Variants in PNRC1 observed in about 807,000 individuals in gnomAD.
The protein encoded by PNRC1 is proline-rich nuclear receptor coactivator 1.
Under a neutral mutation model 20.2 loss-of-function variants are expected in PNRC1, and 6 were observed. The ratio of observed to expected loss-of-function variants is 0.30; its 90% confidence interval spans 0.16 to 0.59. The LOEUF is 0.59. Among genes scored for constraint, PNRC1 ranks in the 20% least tolerant of loss-of-function variants. The pLI is 0.89. For synonymous variants in PNRC1, 202 were observed against 186.9 expected (o/e 1.08, Z -0.66); for missense variants, 488 against 430.2 (o/e 1.13, Z -1.19).
In PNRC1 at chr6:89,080,811, A is replaced by G. The variant is rs1767960897; in HGVS notation, c.-84A>G. ...GATCTTCTCAGGCTCTCCTAGCAGC[A>G]TCCATCGCCGCCACCCTATCTTCAC... is the stretch of plus-strand genomic sequence containing the variant. On this transcript the variant is annotated 5_prime_UTR_variant, in exon 1 of 2. Coordinates refer to ENST00000336032, the MANE Select transcript of PNRC1 (RefSeq NM_006813.3). 7.5e-7 allele frequency: 1 copy of G among 1,338,964 alleles called. No individual in the cohort carries two copies. The highest frequency in any genetic ancestry group is 1.5e-5 in the African/African-American group (1 of 68,732). The allele number at this position is 1,338,964 out of a possible 1,614,324, so 82.9% of individuals were successfully genotyped here. A position where few individuals can be genotyped will look rare whatever the true frequency, so the allele number is the denominator to read the frequency against.
At position 89,081,010 on chromosome 6, in the gene PNRC1, C is replaced by A. The variant is rs1767968903; in HGVS notation, c.116C>A (p.Pro39Gln). The change falls in exon 1 of 2, where the codon CCG becomes CAG. Residue 39 changes from proline to glutamine, a missense_variant. Coordinates refer to ENST00000336032, the MANE Select transcript of PNRC1 (RefSeq NM_006813.3). ...FGALPMVTTA[P>Q]PPLPRIPDPR... ...GCCCTCCCGATGGTGACCACGGCTC[C>A]GCCTCCTTTACCCCGGATCCCGGAC... The A allele has an allele frequency of 6.2e-7, 1 of 1,612,446 alleles. No homozygotes were observed. The highest frequency in any genetic ancestry group is 1.7e-5 in the Admixed American group (1 of 60,010).
At position 89,084,886 on chromosome 6, in the gene PNRC1, A is replaced by T. The variant is rs1037289135; in HGVS notation, c.*690A>T. ...ACTGTTTCTCATGTTTGAATGTGTGACTAGGAGATGATTTTGTGTGGTTGG... is the reference window on the plus strand; with the variant it reads ...ACTGTTTCTCATGTTTGAATGTGTGTCTAGGAGATGATTTTGTGTGGTTGG... On this transcript the variant is annotated 3_prime_UTR_variant, in exon 2 of 2. Transcript: ENST00000336032. 6.6e-6 allele frequency: 1 copy of T among 152,190 alleles called. No individual in the cohort carries two copies. The highest frequency in any genetic ancestry group is 2.4e-5 in the African/African-American group (1 of 41,424). The allele number at this position is 152,190 out of a possible 1,614,324, so 9.4% of individuals were successfully genotyped here.
At position 89,084,868 on chromosome 6, in the gene PNRC1, C is replaced by G. The variant is rs1248410674; in HGVS notation, c.*672C>G. 1.3e-5 allele frequency: 2 copies of G among 152,134 alleles called. No individual in the cohort carries two copies. The highest frequency in any genetic ancestry group is 4.8e-5 in the African/African-American group (2 of 41,418). 9.4% of individuals were successfully genotyped at this position (152,134 alleles called of 1,614,324 possible). ...CTTGACTCTTTGTGTGTGACTGTTT[C>G]TCATGTTTGAATGTGTGACTAGGAG... On this transcript the variant is annotated 3_prime_UTR_variant, in exon 2 of 2. Transcript: ENST00000336032.
At chr6:89,082,145 C>G (rs770396630) in intron 1 of PNRC1, 1 of 152,274 alleles carries the variant, frequency 6.6e-6, no homozygotes, top group Non-Finnish European at 1.5e-5. Flanking sequence ...CACTGTGGTA[C>G]TTCGTGTTAG....
chr6:89,080,936 G>A lies in PNRC1; in HGVS notation c.42G>A (p.Leu14=). 2 of 1,612,978 alleles carry A rather than the reference G, an allele frequency of 1.2e-6. No homozygotes were observed. Among genetic ancestry groups the A allele is most frequent in the Non-Finnish European group, 1.7e-6 (2 of 1,180,000 alleles). ...TCCCGCAGCGGGAGCCGCTCGTCCT[G>A]GGTGGCCGCCTTGCGCCGCTTGGCT... ...VSVPQREPLV[L]GGRLAPLGFS... is the part of the protein sequence containing the mutation. The change falls in exon 1 of 2, where the codon CTG becomes CTA. Residue 14 remains leucine (L), a synonymous_variant. Coordinates refer to ENST00000336032, the MANE Select transcript of PNRC1 (RefSeq NM_006813.3).
chr6:89,083,500 ATGT>A (rs1375458578), intron 1 of PNRC1, among the ~76,000 whole-genome samples: 3 of 151,974 alleles, frequency 2.0e-5, no homozygotes, highest in African/African-American at 4.8e-5. Flanking sequence ...CACTATATCC[ATGT>A]TGTACCCAGT....
Position 89,081,083 on chromosome 6 carries a change from A to T in PNRC1, c.189A>T (p.Gly63=). 6.2e-7 allele frequency: 1 copy of T among 1,609,102 alleles called. No homozygotes were observed. Among genetic ancestry groups the T allele is most frequent in the South Asian group, 1.1e-5 (1 of 91,056 alleles). ...PTLFLPHFLG[G]DGPCLTPQPR... is the part of the protein sequence containing the mutation. Reference sequence around the variant, plus strand: ...TCTTCCTCCCTCATTTCCTAGGGGGAGATGGCCCGTGTCTGACCCCCCAGC... The same window carrying T: ...TCTTCCTCCCTCATTTCCTAGGGGGTGATGGCCCGTGTCTGACCCCCCAGC... Residue 63 remains glycine, a synonymous_variant, in exon 1 of 2, where the codon GGA becomes GGT. Coordinates refer to ENST00000336032, the MANE Select transcript of PNRC1 (RefSeq NM_006813.3).
At position 89,081,348 on chromosome 6, in the gene PNRC1, G is replaced by A; in HGVS notation, c.454G>A (p.Ala152Thr). 6.9e-7 allele frequency: 1 copy of A among 1,445,632 alleles called. No homozygotes were observed. Among genetic ancestry groups the A allele is most frequent in the Non-Finnish European group, 9.0e-7 (1 of 1,110,004 alleles). The allele number at this position is 1,445,632 out of a possible 1,614,324, so 89.6% of individuals were successfully genotyped here. A position where few individuals can be genotyped will look rare whatever the true frequency, so the allele number is the denominator to read the frequency against. ...GGCCGCCGCCTTGGCCCCGAGTCCT[G>A]CAGCCGCAGCCGGCACGGAGGGAGC... ...GPAAALAPSP[A>T]AAAGTEGASP... Residue 152 changes from alanine to threonine, a missense_variant, in exon 1 of 2, where the codon GCA (alanine) becomes ACA (threonine). Coordinates refer to ENST00000336032, the MANE Select transcript of PNRC1 (RefSeq NM_006813.3).
Position 89,084,185 on chromosome 6 carries a change from G to A in PNRC1, c.973G>A (p.Val325Ile). Residue 325 changes from valine (V) to isoleucine (I), a missense_variant, in exon 2 of 2, where the codon GTT becomes ATT. By Grantham distance (29) the Val-to-Ile change is conservative. Coordinates refer to ENST00000336032, the MANE Select transcript of PNRC1 (RefSeq NM_006813.3). ...AGTACACTTAAAAACGCTCCTCAAA[G>A]TTCAAACTTAGATTTCAGATTTCAG... ...MAVHLKTLLK[V>I]QT is the part of the protein sequence containing the mutation. The A allele has an allele frequency of 6.4e-7, 1 of 1,574,042 alleles. No homozygotes were observed.
At position 89,084,283 on chromosome 6, in the gene PNRC1, C is replaced by T. The variant is rs1768067580; in HGVS notation, c.*87C>T. 8.5e-6 allele frequency: 7 copies of T among 826,610 alleles called. No individual in the cohort carries two copies. Among genetic ancestry groups the T allele is most frequent in the Non-Finnish European group, 1.3e-5 (7 of 533,672 alleles). The allele number at this position is 826,610 out of a possible 1,614,324, so 51.2% of individuals were successfully genotyped here. A position where few individuals can be genotyped will look rare whatever the true frequency, so the allele number is the denominator to read the frequency against. The stretch of plus-strand genomic sequence containing the variant: ...AATTGGTACAGAAATGGAAATTTGC[C>T]TTGTTGCAACATACAATTGCAAAAG... On this transcript the variant is annotated 3_prime_UTR_variant, in exon 2 of 2. Coordinates refer to ENST00000336032, the MANE Select transcript of PNRC1 (RefSeq NM_006813.3).
intron 1 of PNRC1, chr6:89,082,667 G>A (rs1768028203): frequency 6.6e-6 from 1 of 152,134 alleles, no homozygotes; most frequent in African/African-American, 2.4e-5. Flanking sequence ...GTGATCTAGT[G>A]GATTACCTTA....
Position 89,084,449 on chromosome 6 carries a change from C to T in PNRC1, c.*253C>T. 1 of 315,346 alleles carries T rather than the reference C, an allele frequency of 3.2e-6. No individual in the cohort carries two copies. Among genetic ancestry groups the T allele is most frequent in the South Asian group, 6.8e-5 (1 of 14,716 alleles). 19.5% of individuals were successfully genotyped at this position (315,346 alleles called of 1,614,324 possible). ...TTATGAAAGTATGTATTTTGCCCTG[C>T]CCACATTGCAGGTGTTTTGTATATA... On this transcript the variant is annotated 3_prime_UTR_variant, in exon 2 of 2. Transcript: ENST00000336032.
rs1562176608 is a variant in PNRC1 at position 89,084,600 on chromosome 6, T to C, written c.*404T>C. Reference sequence around the variant, plus strand: ...AAGGTGAAGATCTAAATGTGAACAGTTTACTAATGCACTACTGAAGTTTAA... The same window carrying C: ...AAGGTGAAGATCTAAATGTGAACAGCTTACTAATGCACTACTGAAGTTTAA... On this transcript the variant is annotated 3_prime_UTR_variant, in exon 2 of 2. Transcript: ENST00000336032. 6.4e-6 allele frequency: 1 copy of C among 155,366 alleles called. No homozygotes were observed. The highest frequency in any genetic ancestry group is 1.4e-5 in the Non-Finnish European group (1 of 69,970). The allele number at this position is 155,366 out of a possible 1,614,324, so 9.6% of individuals were successfully genotyped here. A position where few individuals can be genotyped will look rare whatever the true frequency, so the allele number is the denominator to read the frequency against.
At chr6:89,081,895 A>G (rs955114482) in intron 1 of PNRC1, 1 of 152,440 alleles carries the variant, frequency 6.6e-6, no homozygotes, top group African/African-American at 2.4e-5. Flanking sequence ...CCTCCCGGCT[A>G]TCGGGAGCCC....
Position 89,080,791 on chromosome 6 carries a change from T to A in PNRC1, c.-104T>A. The A allele has an allele frequency of 9.0e-7, 1 of 1,115,830 alleles. No individual in the cohort carries two copies. The highest frequency in any genetic ancestry group is 1.5e-5 in the African/African-American group (1 of 65,014). The allele number at this position is 1,115,830 out of a possible 1,614,324, so 69.1% of individuals were successfully genotyped here. On this transcript the variant is annotated 5_prime_UTR_variant, in exon 1 of 2. Transcript: ENST00000336032. ...CCGCCCGAGTCATGTTCCGCGATCT[T>A]CTCAGGCTCTCCTAGCAGCATCCAT...
intron 1 of PNRC1, chr6:89,082,745 G>A (rs1036642662): frequency 1.3e-5 from 2 of 152,228 alleles, no homozygotes; most frequent in Non-Finnish European, 2.9e-5. Context: ...GGTGAGTGAA[G>A]CAGCGTTCTT....
chr6:89,083,661 C>T, intron 1 of PNRC1, 92 bp from the exon 2 acceptor site: 4 of 995,282 alleles, frequency 4.0e-6, no homozygotes, highest in Non-Finnish European at 4.4e-6. Context: ...TGTGGGCAAA[C>T]TTAAACACAA....
At position 89,081,355 on chromosome 6, in the gene PNRC1, C is replaced by T; in HGVS notation, c.461C>T (p.Ala154Val). Residue 154 changes from alanine to valine, a missense_variant, in exon 1 of 2, where the codon GCA becomes GTA. By Grantham distance (64) the Ala-to-Val change is moderately conservative. Coordinates refer to ENST00000336032, the MANE Select transcript of PNRC1 (RefSeq NM_006813.3). The stretch of plus-strand genomic sequence containing the variant: ...GCCTTGGCCCCGAGTCCTGCAGCCG[C>T]AGCCGGCACGGAGGGAGCCAGCCCC... ...AAALAPSPAA[A>V]AGTEGASPDL... The T allele has an allele frequency of 6.9e-7, 1 of 1,442,624 alleles. No homozygotes were observed. Among genetic ancestry groups the T allele is most frequent in the Non-Finnish European group, 9.0e-7 (1 of 1,108,456 alleles). The allele number at this position is 1,442,624 out of a possible 1,614,324, so 89.4% of individuals were successfully genotyped here. A position where few individuals can be genotyped will look rare whatever the true frequency, so the allele number is the denominator to read the frequency against.
intron 1 of PNRC1, chr6:89,081,753 CG>C: frequency 6.0e-6 from 1 of 166,376 alleles, no homozygotes; most frequent in Admixed American, 6.7e-5. Flanking sequence ...GGGCGCGCGG[CG>C]GGGTGGGGGC....
Sources: gnomAD v4.1 joint callset for allele counts (sites outside exome capture counted in the v4.1 genomes callset) on GRCh38, gnomAD v4.1.1 for gene constraint, MANE v1.5 for transcripts, NCBI Gene and HGNC (gene_info 2026-07-23, HGNC 2026-07-21) for gene names.